The following USP9X variants were observed in gnomAD, a reference collection of about 807,000 sequenced individuals.
USP9X encodes ubiquitin carboxyl-terminal hydrolase 9X.
Under a neutral mutation model 190.3 loss-of-function variants are expected in USP9X, and 7 were observed. The observed-to-expected ratio is 0.04, with a 90% CI of 0.02 to 0.07. The LOEUF (loss-of-function observed/expected upper bound fraction) is 0.07. Ranked by LOEUF, USP9X falls within the 10% of genes least tolerant of loss-of-function variation. USP9X has a pLI of 1.00. For synonymous variants in USP9X, 645 were observed against 659.5 expected, an observed-to-expected ratio of 0.98 and a Z score of 0.34; for missense variants, 1,010 against 1,916.9, an observed-to-expected ratio of 0.53 and a Z score of 8.83.
At chrX:41,094,768 G>T (rs931027079) in intron 1 of USP9X, among the ~76,000 whole-genome samples, 1 of 110,073 alleles carries the variant, frequency 9.1e-6, no homozygotes, top group African/African-American at 3.3e-5. Context: ...GCCAGGCGCG[G>T]TGGCTCACCC....
chrX:41,126,606 T>G (rs937875026), intron 2 of USP9X, among the ~76,000 whole-genome samples: 1 of 112,149 alleles, frequency 8.9e-6, no homozygotes, highest in Admixed American at 9.5e-5. Context: ...CAACCTAATA[T>G]TCTATGTCTA....
chrX:41,218,989 A>G, intron 37 of USP9X, 113 bp from the exon 38 acceptor site: 1 of 754,014 alleles, frequency 1.3e-6, no homozygotes, highest in African/African-American at 2.2e-5. Context: ...TTGTGTGATC[A>G]GTCCTTCCAT....
Position 41,091,798 on chromosome X carries a change from C to G in USP9X, c.-159+5689C>G, listed in dbSNP as rs142176522. Among the ~76,000 whole-genome samples, 731 of 111,408 alleles carry G rather than the reference C, an allele frequency of 6.6e-3. 3 individuals carry two copies. Among genetic ancestry groups the G allele is most frequent in the South Asian group, 0.013 (34 of 2,651 alleles). The stretch of plus-strand genomic sequence containing the variant: ...ACCAAGATAGCATGCCATAGACTAC[C>G]TTCTTTATGAAGCTATATCTATATG... On this transcript the variant is annotated intron_variant, in intron 1 of 44. Transcript: ENST00000378308.
At chrX:41,161,523 A>G (rs1439298812) in intron 14 of USP9X, among the ~76,000 whole-genome samples, 2 of 103,811 alleles carry the variant, frequency 1.9e-5, no homozygotes, top group African/African-American at 7.1e-5. Context: ...TTTAGTAGAG[A>G]CGGGGTTTCA....
rs1057508677 is a variant in USP9X at position 41,205,901 on chromosome X, T to C, written c.5015+408T>C. On this transcript the variant is annotated intron_variant, in intron 32 of 44. Transcript: ENST00000378308. The stretch of plus-strand genomic sequence containing the variant: ...TTTTTCTTTTTCTTTTTTTCTTTTT[T>C]TTTTTTGAGATGGAGTTTTGCTCTT... Among the ~76,000 whole-genome samples the C allele has an allele frequency of 3.9e-5, 4 of 102,878 alleles. 1 individual carries two copies. The Admixed American group carries it at 4.3e-4, about 11-fold the overall frequency. 89.3% of individuals were successfully genotyped at this position (102,878 alleles called of 115,157 possible). A position where few individuals can be genotyped will look rare whatever the true frequency, so the allele number is the denominator to read the frequency against.
chrX:41,167,415 T>G (rs953079395), intron 16 of USP9X, 67 bp from the exon 17 acceptor site: 1 of 894,145 alleles, frequency 1.1e-6, no homozygotes. Flanking sequence ...AGGATATGGT[T>G]TGAATTTAAA....
At chrX:41,121,005 A>ATT (rs201533412) in intron 1 of USP9X, among the ~76,000 whole-genome samples, 50 of 96,583 alleles carry the variant, frequency 5.2e-4, no homozygotes, top group African/African-American at 1.1e-3. Flanking sequence ...TGCCTGGCTA[A>ATT]TTTTTTTTTT....
intron 32 of USP9X, among the ~76,000 whole-genome samples, chrX:41,206,110 C>T (rs191100911): frequency 7.4e-4 from 82 of 110,377 alleles, no homozygotes; most frequent in Admixed American, 1.4e-3. Context: ...CCAGACTGGT[C>T]TCGAACTCCT....
At chrX:41,154,127 A>G (rs2062555503) in intron 14 of USP9X, among the ~76,000 whole-genome samples, 2 of 111,576 alleles carry the variant, frequency 1.8e-5, no homozygotes, top group African/African-American at 6.5e-5. Context: ...TTATTCTTCC[A>G]TTTATCCCCT....
At position 41,153,014 on chromosome X, in the gene USP9X, T is replaced by C; in HGVS notation, c.1830T>C (p.His610=). Residue 610 remains histidine, a synonymous_variant, in exon 14 of 45, where the codon CAT becomes CAC. Coordinates refer to ENST00000378308, the MANE Select transcript of USP9X (RefSeq NM_001039591.3). ...HDLINQLQHN[H]ALVTLVAENL... ...TAATCAATCAACTTCAACACAATCA[T>C]GCCCTAGTTACTTTGGTAGCAGAAA... 1.7e-6 allele frequency: 2 copies of C among 1,211,020 alleles called. No homozygotes were observed.
chrX:41,197,352 C>CCCCCCGGGGGGGGGG lies in USP9X; in HGVS notation c.4234-12_4234-11insCCCCCGGGGGGGGGG. The stretch of plus-strand genomic sequence containing the variant: ...TTCTTCCCCCCCCCACCCCACCCCC[C>CCCCCCGGGGGGGGGG]GCCTTTGGCAGGATGATGTTAAAAG... On this transcript the variant is annotated splice_polypyrimidine_tract_variant and intron_variant, in intron 28 of 44. Transcript: ENST00000378308. 8.1e-6 allele frequency: 8 copies of CCCCCCGGGGGGGGGG among 988,130 alleles called. No homozygotes were observed. The highest frequency in any genetic ancestry group is 9.2e-6 in the Non-Finnish European group (7 of 759,303). 81.4% of individuals were successfully genotyped at this position (988,130 alleles called of 1,213,427 possible).
intron 1 of USP9X, among the ~76,000 whole-genome samples, chrX:41,115,082 A>G (rs1293694768): frequency 9.2e-6 from 1 of 108,709 alleles, no homozygotes; most frequent in Non-Finnish European, 1.9e-5. Context: ...TTAGCCCGGC[A>G]TTGTGGCACC....
chrX:41,089,259 G>A (rs915556491), intron 1 of USP9X, among the ~76,000 whole-genome samples: 1 of 112,249 alleles, frequency 8.9e-6, no homozygotes, highest in East Asian at 2.8e-4. Context: ...GCCTTACGAT[G>A]GGTCTGAGGT....
At chrX:41,109,770 T>TGGG (rs111621725) in intron 1 of USP9X, among the ~76,000 whole-genome samples, 3 of 109,060 alleles carry the variant, frequency 2.8e-5, no homozygotes, top group Admixed American at 9.9e-5. Context: ...ACACTGGGGA[T>TGGG]GGGGGGGGCA....
Position 41,148,699 on chromosome X carries a change from T to C in USP9X, c.1626+124T>C, listed in dbSNP as rs188055318. 2.3e-4 allele frequency: 150 copies of C among 656,915 alleles called. 1 individual carries two copies. In the African/African-American group the frequency reaches 2.9e-3, roughly 13 times the overall value. The allele number at this position is 656,915 out of a possible 1,213,427, so 54.1% of individuals were successfully genotyped here. A position where few individuals can be genotyped will look rare whatever the true frequency, so the allele number is the denominator to read the frequency against. On this transcript the variant is annotated intron_variant, in intron 12 of 44. Coordinates refer to ENST00000378308, the MANE Select transcript of USP9X (RefSeq NM_001039591.3). ...TTAAATGATCTTCCGGAGTTGACTTTTTTTGTTCATTAGTCTGCTTTCCTT... is the reference window on the plus strand; with the variant it reads ...TTAAATGATCTTCCGGAGTTGACTTCTTTTGTTCATTAGTCTGCTTTCCTT...
intron 4 of USP9X, among the ~76,000 whole-genome samples, chrX:41,133,036 T>C (rs1454845162): frequency 1.8e-5 from 2 of 112,093 alleles, no homozygotes; most frequent in African/African-American, 6.5e-5. Flanking sequence ...TTTTCTGAAA[T>C]AGGATAGCTA....
rs375124456 is a variant in USP9X at position 41,141,444 on chromosome X, GTTC to G, written c.1161+20_1161+22del. ...TGAACGAATGGCAGTGAGTCTTTCA[GTTC>G]TTCTTCATAGGAATAAGAATCTACT... is the stretch of plus-strand genomic sequence containing the variant. On this transcript the variant is annotated intron_variant, in intron 9 of 44. Transcript: ENST00000378308. The G allele has an allele frequency of 2.4e-5, 28 of 1,151,995 alleles. No homozygotes were observed. The highest frequency in any genetic ancestry group is 9.3e-5 in the East Asian group (3 of 32,270). 94.9% of individuals were successfully genotyped at this position (1,151,995 alleles called of 1,213,427 possible).
intron 32 of USP9X, 141 bp downstream of exon 32, chrX:41,205,634 T>G (rs1268793331): frequency 1.9e-4 from 17 of 89,738 alleles, no homozygotes; most frequent in South Asian, 9.3e-4. Flanking sequence ...ATTGGGTGGG[T>G]TTTTTTTTTT....
rs958371622 is a variant in USP9X, at chrX:41,191,387, A to T, written c.3977+1912A>T. 3.6e-5 allele frequency among the ~76,000 whole-genome samples: 4 copies of T among 110,902 alleles called. No individual in the cohort carries two copies. In the Admixed American group the frequency reaches 3.9e-4, roughly 11 times the overall value. ...ATACATACTGGCCCCAGGGGTTTCAAATAAGGGATTGTGAGCTGTGTACAA... is the reference window on the plus strand; with the variant it reads ...ATACATACTGGCCCCAGGGGTTTCATATAAGGGATTGTGAGCTGTGTACAA... On this transcript the variant is annotated intron_variant, in intron 26 of 44. Transcript: ENST00000378308.
Sources: allele counts gnomAD v4.1 joint callset (sites outside exome capture counted in the v4.1 genomes callset), GRCh38; gene constraint gnomAD v4.1.1; transcripts MANE v1.5; gene names NCBI Gene and HGNC (gene_info 2026-07-23, HGNC 2026-07-21).